PFDN1: variants seen among roughly 807,000 people sequenced by gnomAD.
The protein encoded by PFDN1 is prefoldin 1.
A neutral mutation model predicts 17.3 loss-of-function variants in PFDN1; 6 were observed. The ratio of observed to expected loss-of-function variants is 0.35; its 90% CI spans 0.19 to 0.69. The LOEUF is 0.69. Ranked by LOEUF, PFDN1 falls within the 30% of genes least tolerant of loss-of-function variation. PFDN1 has a pLI of 0.65. For missense variants in PFDN1, 113 were observed against 146.2 expected (o/e 0.77, Z 1.17); for synonymous variants, 58 against 50.1 (o/e 1.16, Z -0.67).
At chr5:140,295,654 A>G (rs562007859) in intron 2 of PFDN1, among the ~76,000 whole-genome samples, 1 of 152,190 alleles carries the variant, frequency 6.6e-6, no homozygotes, top group Non-Finnish European at 1.5e-5. Context: ...ACTGGATGGA[A>G]TATAGCTTTG....
chr5:140,302,797 A>ACAAGC (rs2126705451), intron 1 of PFDN1, among the ~76,000 whole-genome samples: 1 of 152,154 alleles, frequency 6.6e-6, no homozygotes, highest in Admixed American at 6.5e-5. Context: ...GAAAGACTGG[A>ACAAGC]CAAGCCCGAG....
chr5:140,286,650 G>GGCTGGA (rs1393982011), intron 2 of PFDN1, among the ~76,000 whole-genome samples: 2 of 136,958 alleles, frequency 1.5e-5, no homozygotes. Context: ...CTGTTGCCCA[G>GGCTGGA]GCTGGAGTAC....
chr5:140,302,698 G>C (rs1045528922), intron 1 of PFDN1, among the ~76,000 whole-genome samples: 1 of 152,132 alleles, frequency 6.6e-6, no homozygotes, highest in Non-Finnish European at 1.5e-5. Flanking sequence ...GGGTCCGAAG[G>C]GACCCCCATT....
intron 3 of PFDN1, among the ~76,000 whole-genome samples, chr5:140,253,856 C>T (rs191695555): frequency 6.6e-6 from 1 of 152,296 alleles, no homozygotes; most frequent in East Asian, 1.9e-4. Context: ...CCAGCAGCAT[C>T]GGGATCACCT....
At chr5:140,301,357 C>T (rs1292933638) in intron 1 of PFDN1, among the ~76,000 whole-genome samples, 10 of 152,210 alleles carry the variant, frequency 6.6e-5, no homozygotes, top group South Asian at 2.1e-4. Context: ...AAATTTGACC[C>T]TTGCGTACAC....
chr5:140,281,729 C>A, intron 2 of PFDN1, 196 bp from the exon 3 acceptor site: 1 of 515,950 alleles, frequency 1.9e-6, no homozygotes. Flanking sequence ...AAAGTAGATT[C>A]TGCTTTCTTA....
At chr5:140,286,980 G>C (rs185783569) in intron 2 of PFDN1, among the ~76,000 whole-genome samples, 1 of 152,108 alleles carries the variant, frequency 6.6e-6, no homozygotes, top group African/African-American at 2.4e-5. Context: ...ACCTTGCCCA[G>C]CTTGTATGTA....
At chr5:140,256,432 TTA>T (rs2126680021) in intron 3 of PFDN1, among the ~76,000 whole-genome samples, 1 of 152,166 alleles carries the variant, frequency 6.6e-6, no homozygotes, top group South Asian at 2.1e-4. Context: ...GCTTTAAACA[TTA>T]TATGACTCCT....
chr5:140,290,677 T>C (rs1765567190), intron 2 of PFDN1, among the ~76,000 whole-genome samples: 1 of 152,150 alleles, frequency 6.6e-6, no homozygotes, highest in Non-Finnish European at 1.5e-5. Flanking sequence ...GAGGATTCAG[T>C]TGAAAGAAGC....
intron 3 of PFDN1, among the ~76,000 whole-genome samples, chr5:140,248,572 A>G (rs1764865720): frequency 6.6e-6 from 1 of 152,186 alleles, no homozygotes. Context: ...TCCTCCTACA[A>G]AAGTCCGCCA....
chr5:140,264,801 C>T lies in PFDN1; in HGVS notation c.285+16648G>A, dbSNP rs1003211268. 1.7e-4 allele frequency among the ~76,000 whole-genome samples: 26 copies of T among 152,206 alleles called. No homozygotes were observed. The South Asian group carries it at 2.1e-3, about 12-fold the overall frequency. ...TCCAGGCTGCACTGAGCTATGATCA[C>T]GCCACTGCACTCCAGCCTGGGTGAC... On this transcript the variant is annotated intron_variant, in intron 3 of 3. Transcript: ENST00000261813.
intron 3 of PFDN1, among the ~76,000 whole-genome samples, chr5:140,262,201 T>C (rs1026589674): frequency 6.6e-6 from 1 of 152,184 alleles, no homozygotes; most frequent in African/African-American, 2.4e-5. Flanking sequence ...ATCTCTTTAC[T>C]CAGAGCTGGT....
At chr5:140,297,675 T>C (rs1765674655) in intron 2 of PFDN1, among the ~76,000 whole-genome samples, 1 of 152,244 alleles carries the variant, frequency 6.6e-6, no homozygotes, top group Admixed American at 6.5e-5. Context: ...CTACTATTTA[T>C]TAATTCATAT....
intron 3 of PFDN1, among the ~76,000 whole-genome samples, chr5:140,268,870 T>C (rs1264493719): frequency 1.3e-5 from 2 of 152,190 alleles, no homozygotes; most frequent in Non-Finnish European, 2.9e-5. Flanking sequence ...TAGTTTACCT[T>C]TAAGCCATTA....
chr5:140,300,832 C>T (rs1765733121), intron 1 of PFDN1, among the ~76,000 whole-genome samples: 2 of 152,036 alleles, frequency 1.3e-5, no homozygotes, highest in South Asian at 2.1e-4. Flanking sequence ...TATTAAGTAG[C>T]AAGTACTCAA....
chr5:140,274,031 G>C, intron 3 of PFDN1: 1 of 246,046 alleles, frequency 4.1e-6, no homozygotes, highest in Non-Finnish European at 6.5e-6. Flanking sequence ...TAATAGTTGA[G>C]ATTCAGAAGG....
intron 3 of PFDN1, among the ~76,000 whole-genome samples, chr5:140,275,786 G>T (rs1004532302): frequency 6.6e-6 from 1 of 151,982 alleles, no homozygotes; most frequent in Non-Finnish European, 1.5e-5. Flanking sequence ...TGTCCCTCCT[G>T]CCATCTACAC....
chr5:140,275,644 T>C (rs759867075), intron 3 of PFDN1, among the ~76,000 whole-genome samples: 1 of 151,572 alleles, frequency 6.6e-6, no homozygotes, highest in Non-Finnish European at 1.5e-5. Context: ...AAAAAAGAAA[T>C]CAGGAGAGGG....
intron 3 of PFDN1, among the ~76,000 whole-genome samples, chr5:140,256,930 C>T (rs1181616890): frequency 1.3e-5 from 2 of 152,040 alleles, no homozygotes; most frequent in African/African-American, 4.8e-5. Flanking sequence ...CTCAAAAAAC[C>T]TCTAATGGGC....
Sources: gnomAD v4.1 joint callset for allele counts (sites outside exome capture counted in the v4.1 genomes callset) on GRCh38, gnomAD v4.1.1 for gene constraint, MANE v1.5 for transcripts, NCBI Gene and HGNC (gene_info 2026-07-23, HGNC 2026-07-21) for gene names.